The following ZNF613 variants were observed in gnomAD, a reference collection of about 807,000 sequenced individuals.
ZNF613 encodes zinc finger protein 613.
ZNF613 carries 8 observed loss-of-function variants against 14.3 expected under a neutral mutation model. The ratio of observed to expected loss-of-function variants is 0.56; its 90% confidence interval spans 0.33 to 1.01. The LOEUF (loss-of-function observed/expected upper bound fraction) is 1.01. Among genes scored for constraint, ZNF613 ranks in the 50% least tolerant of loss-of-function variants. The pLI is 0.03. For synonymous variants in ZNF613, 228 were observed against 254.5 expected, an observed-to-expected ratio of 0.90 and a Z score of 0.99; for missense variants, 656 against 741.9, an observed-to-expected ratio of 0.88 and a Z score of 1.35.
chr19:51,944,980 A>T lies in ZNF613; in HGVS notation c.1097A>T (p.His366Leu). ...CAGCTCAATGCACATCAGAAAGCTC[A>T]CACAGGAGAGAAGTCATATATATGC... ...KSQLNAHQKA[H>L]TGEKSYICRD... The change falls in exon 6 of 6, where the codon CAC becomes CTC. Residue 366 changes from histidine to leucine, a missense_variant. Physicochemically the swap from His to Leu is moderately conservative, Grantham distance 99. Coordinates refer to ENST00000293471, the MANE Select transcript of ZNF613 (RefSeq NM_001031721.4). 1 of 1,614,174 alleles carries T rather than the reference A, an allele frequency of 6.2e-7. No individual in the cohort carries two copies. Among genetic ancestry groups the T allele is most frequent in the Non-Finnish European group, 8.5e-7 (1 of 1,179,982 alleles).
At position 51,944,859 on chromosome 19, in the gene ZNF613, TCCA is replaced by T; in HGVS notation, c.977_979del (p.Ser326_Lys327delinsTer). On this transcript the variant is annotated stop_gained and inframe_deletion, in exon 6 of 6. Transcript: ENST00000293471. LOFTEE classifies it low-confidence loss of function (END_TRUNC). ...ATGCAGCCTGTGTGGGAAGGCCTTCTCCAAAAGGTCCAGGCTCACTGAACACCA... is the reference window on the plus strand; with the variant it reads ...ATGCAGCCTGTGTGGGAAGGCCTTCTAAAGGTCCAGGCTCACTGAACACCA... 1 of 1,612,042 alleles carries T rather than the reference TCCA, an allele frequency of 6.2e-7. No homozygotes were observed. Among genetic ancestry groups the T allele is most frequent in the East Asian group, 2.2e-5 (1 of 44,790 alleles).
At chr19:51,934,989 G>C (rs900399774) in intron 2 of ZNF613, among the ~76,000 whole-genome samples, 1 of 152,320 alleles carries the variant, frequency 6.6e-6, no homozygotes, top group Non-Finnish European at 1.5e-5. Context: ...AGCATTTGCA[G>C]CTGTGGGTTA....
intron 3 of ZNF613, 92 bp from the exon 4 acceptor site, chr19:51,940,117 A>G (rs1408813334): frequency 6.6e-7 from 1 of 1,518,556 alleles, no homozygotes; most frequent in African/African-American, 1.4e-5. Context: ...GATGCAGACT[A>G]TTTGGTAAAA....
intron 1 of ZNF613, among the ~76,000 whole-genome samples, chr19:51,928,278 G>T (rs1438976422): frequency 6.6e-6 from 1 of 152,152 alleles, no homozygotes; most frequent in Middle Eastern, 3.2e-3. Context: ...GGGTTCATGT[G>T]AACCTAGGTG....
At chr19:51,929,228 A>C (rs2085244356) in intron 1 of ZNF613, among the ~76,000 whole-genome samples, 1 of 152,134 alleles carries the variant, frequency 6.6e-6, no homozygotes. Flanking sequence ...TTTTTTTTTA[A>C]GATTTCTGTA....
At chr19:51,938,508 A>G (rs1348686452) in intron 3 of ZNF613, among the ~76,000 whole-genome samples, 1 of 151,978 alleles carries the variant, frequency 6.6e-6, no homozygotes. Context: ...GGTTCTCTGT[A>G]TGAACAGGTG....
At chr19:51,943,856 G>T (rs543187007) in intron 5 of ZNF613, among the ~76,000 whole-genome samples, 132 of 152,288 alleles carry the variant, frequency 8.7e-4, no homozygotes, top group Non-Finnish European at 1.6e-3. Flanking sequence ...TGATAGTAAG[G>T]TTTCTGGCAT....
chr19:51,945,310 G>A lies in ZNF613; in HGVS notation c.1427G>A (p.Arg476Lys), dbSNP rs2085389446. 6.2e-7 allele frequency: 1 copy of A among 1,613,804 alleles called. No homozygotes were observed. The change falls in exon 6 of 6, where the codon AGA becomes AAA. Residue 476 changes from arginine to lysine, a missense_variant. Coordinates refer to ENST00000293471, the MANE Select transcript of ZNF613 (RefSeq NM_001031721.4). ...AAGTCAGGTCTCATTAACCACCAGA[G>A]AATTCACACAGGAGAGAAACCCTAT... ...SHKSGLINHQ[R>K]IHTGEKPYTC...
intron 2 of ZNF613, among the ~76,000 whole-genome samples, chr19:51,930,123 G>T (rs2085252529): frequency 6.6e-6 from 1 of 152,024 alleles, no homozygotes; most frequent in Non-Finnish European, 1.5e-5. Flanking sequence ...CTACCACTAA[G>T]TAATCTCTAA....
chr19:51,930,541 C>T (rs60167367), intron 2 of ZNF613, among the ~76,000 whole-genome samples: 21,505 of 152,102 alleles, frequency 0.14, 1,621 homozygotes, highest in South Asian at 0.26. Flanking sequence ...AGATTACAGG[C>T]GTGAGCCACT....
In ZNF613 at chr19:51,940,353, G is replaced by A. The variant is rs376226965; in HGVS notation, c.142+18G>A. The stretch of plus-strand genomic sequence containing the variant: ...GTCAGTGGGTGAGGACAGCTGCCCT[G>A]TGTCACTCAGAGAGTACCCAGTCAA... On this transcript the variant is annotated intron_variant, in intron 4 of 5. Transcript: ENST00000293471. 5.0e-6 allele frequency: 8 copies of A among 1,612,838 alleles called. No individual in the cohort carries two copies. The African/African-American group carries it at 6.7e-5, about 13-fold the overall frequency.
chr19:51,944,016 C>T, intron 5 of ZNF613, 103 bp from the exon 6 acceptor site: 2 of 850,584 alleles, frequency 2.4e-6, no homozygotes, highest in Non-Finnish European at 3.3e-6. Context: ...GTTTTTTAAA[C>T]AGTGGAAATA....
chr19:51,936,218 A>C lies in ZNF613; in HGVS notation c.-3A>C, dbSNP rs747535307. On this transcript the variant is annotated 5_prime_UTR_variant, in exon 3 of 6. Coordinates refer to ENST00000293471, the MANE Select transcript of ZNF613 (RefSeq NM_001031721.4). ...ACTGGCTATTTCCCAGTAACAAAAG[A>C]AAATGATCAAGTCCCAGGTGACTTT... The C allele has an allele frequency of 3.1e-6, 5 of 1,603,974 alleles. No homozygotes were observed. In the South Asian group the frequency reaches 5.6e-5, roughly 18 times the overall value.
In ZNF613 at chr19:51,936,089, C is replaced by A; in HGVS notation, c.-132C>A. The A allele has an allele frequency of 1.1e-6, 1 of 921,016 alleles. No homozygotes were observed. The allele number at this position is 921,016 out of a possible 1,614,324, so 57.1% of individuals were successfully genotyped here. ...GTGAGGTGAGGAGGAGGTTCCAGGA[C>A]CTGGATACCATCCTTTGCAGGGATG... is the stretch of plus-strand genomic sequence containing the variant. On this transcript the variant is annotated 5_prime_UTR_variant, in exon 3 of 6. Coordinates refer to ENST00000293471, the MANE Select transcript of ZNF613 (RefSeq NM_001031721.4).
At position 51,945,866 on chromosome 19, in the gene ZNF613, T is replaced by C; in HGVS notation, c.*129T>C. On this transcript the variant is annotated 3_prime_UTR_variant, in exon 6 of 6. Transcript: ENST00000293471. ...CCCTTGAATAAAACCTTATGGCTAA[T>C]AAGCATATACTCAGAGAAAAATAGT... 1 of 987,690 alleles carries C rather than the reference T, an allele frequency of 1.0e-6. No homozygotes were observed. Among genetic ancestry groups the C allele is most frequent in the Non-Finnish European group, 1.5e-6 (1 of 671,300 alleles). 61.2% of individuals were successfully genotyped at this position (987,690 alleles called of 1,614,324 possible). A position where few individuals can be genotyped will look rare whatever the true frequency, so the allele number is the denominator to read the frequency against.
intron 2 of ZNF613, among the ~76,000 whole-genome samples, chr19:51,930,254 T>C (rs116913667): frequency 0.019 from 2,821 of 152,164 alleles, 45 homozygotes; most frequent in Admixed American, 0.022. Flanking sequence ...CTGGTTTCTT[T>C]CACATAGCAT....
In ZNF613 at chr19:51,944,557, T is replaced by TTCAC. The variant is rs766230996; in HGVS notation, c.675_678dup (p.Thr227SerfsTer24). The stretch of plus-strand genomic sequence containing the variant: ...TCTCGCCTCATCTATCATCAGAGAG[T>TTCAC]TCACACTGGGGAGAAACCTCATGGA... On this transcript the variant is annotated frameshift_variant, in exon 6 of 6. Transcript: ENST00000293471. LOFTEE classifies it low-confidence loss of function (END_TRUNC). The TTCAC allele has an allele frequency of 2.0e-5, 33 of 1,613,692 alleles. No homozygotes were observed. Among genetic ancestry groups the TTCAC allele is most frequent in the Non-Finnish European group, 2.6e-5 (31 of 1,179,924 alleles).
chr19:51,933,684 T>C (rs1401872524), intron 2 of ZNF613, among the ~76,000 whole-genome samples: 1 of 152,226 alleles, frequency 6.6e-6, no homozygotes, highest in Non-Finnish European at 1.5e-5. Context: ...TTGGGAATGT[T>C]GGCCACAATC....
At chr19:51,930,700 G>C (rs1442415342) in intron 2 of ZNF613, among the ~76,000 whole-genome samples, 6 of 152,124 alleles carry the variant, frequency 3.9e-5, no homozygotes, top group Non-Finnish European at 8.8e-5. Context: ...GGACTTTTGG[G>C]TTATTTCCCC....
Sources: gnomAD v4.1 joint callset for allele counts (sites outside exome capture counted in the v4.1 genomes callset) on GRCh38, gnomAD v4.1.1 for gene constraint, MANE v1.5 for transcripts, NCBI Gene and HGNC (gene_info 2026-07-23, HGNC 2026-07-21) for gene names.